The following BCOR variants were observed in gnomAD, a reference collection of about 807,000 sequenced individuals.
BCOR encodes the protein BCL-6 corepressor.
A neutral mutation model predicts 86.7 loss-of-function variants in BCOR; 10 were observed. That is an observed-to-expected ratio of 0.12 (90% CI 0.07 to 0.20). The LOEUF is 0.20. Among genes scored for constraint, BCOR ranks in the 10% least tolerant of loss-of-function variants. BCOR has a pLI of 1.00. For synonymous variants in BCOR, 611 were observed against 609.0 expected, an observed-to-expected ratio of 1.00 and a Z score of -0.05; for missense variants, 1,259 against 1,452.1, an observed-to-expected ratio of 0.87 and a Z score of 2.16.
chrX:40,080,564 G>T (rs1936035767), intron 1 of BCOR, among the ~76,000 whole-genome samples: 2 of 111,526 alleles, frequency 1.8e-5, no homozygotes, highest in African/African-American at 3.3e-5. Context: ...CCCCGAAAAG[G>T]CCAGCAGCTG....
Position 40,097,561 on chromosome X carries a change from C to T in BCOR, c.-387G>A, listed in dbSNP as rs761731077. ...GGGCGGGGCGGGGCGGGCTCGGGGCCTCCGGGCAGGTGGCGACAGCCCCGT... is the reference window on the plus strand; with the variant it reads ...GGGCGGGGCGGGGCGGGCTCGGGGCTTCCGGGCAGGTGGCGACAGCCCCGT... On this transcript the variant is annotated 5_prime_UTR_variant, in exon 1 of 15. Coordinates refer to ENST00000378444, the MANE Select transcript of BCOR (RefSeq NM_001123385.2). Among the ~76,000 whole-genome samples the T allele has an allele frequency of 1.0e-2, 1,101 of 110,535 alleles. 7 individuals carry two copies. The highest frequency in any genetic ancestry group is 0.018 in the Non-Finnish European group (927 of 52,219).
At chrX:40,109,847 C>CG (rs1346261614) in intron 1 of BCOR, among the ~76,000 whole-genome samples, 1 of 111,389 alleles carries the variant, frequency 9.0e-6, no homozygotes, top group East Asian at 2.9e-4. Context: ...GAAACTCCTG[C>CG]GGCGTCGCAG....
chrX:40,115,009 C>A (rs773693211), intron 1 of BCOR, among the ~76,000 whole-genome samples: 40 of 109,738 alleles, frequency 3.6e-4, no homozygotes, highest in African/African-American at 1.3e-3. Context: ...CCTGCCACCA[C>A]GCCCGACTAA....
intron 1 of BCOR, among the ~76,000 whole-genome samples, chrX:40,096,358 TAAAACCTACGC>T (rs1253899068): frequency 9.0e-6 from 1 of 111,568 alleles, no homozygotes; most frequent in African/African-American, 3.3e-5. Context: ...GCTCATAACT[TAAAACCTACGC>T]TGAACATCGG....
chrX:40,053,532 G>C (rs1029590863), intron 14 of BCOR, among the ~76,000 whole-genome samples: 4 of 112,085 alleles, frequency 3.6e-5, no homozygotes, highest in Admixed American at 9.4e-5. Flanking sequence ...ACAGTGGTCT[G>C]TTGCAGGCAG....
intron 11 of BCOR, 111 bp from the exon 12 acceptor site, chrX:40,055,624 A>G: frequency 1.1e-6 from 1 of 877,837 alleles, no homozygotes; most frequent in East Asian, 3.2e-5. Context: ...CACCTTGGGT[A>G]CTGAGCCTCC....
intron 1 of BCOR, among the ~76,000 whole-genome samples, chrX:40,135,874 G>A (rs780975023): frequency 1.4e-4 from 16 of 111,998 alleles, no homozygotes; most frequent in African/African-American, 3.2e-4. Flanking sequence ...AACAAGGGTC[G>A]TTTTATCATT....
chrX:40,113,709 C>T (rs773973428), intron 1 of BCOR, among the ~76,000 whole-genome samples: 191 of 111,987 alleles, frequency 1.7e-3, no homozygotes, highest in African/African-American at 5.9e-3. Flanking sequence ...AATTTTGTTT[C>T]TGGCTGTATG....
chrX:40,055,280 G>T (rs1189564383), intron 12 of BCOR, 88 bp downstream of exon 12: 4 of 953,487 alleles, frequency 4.2e-6, no homozygotes, highest in Non-Finnish European at 6.0e-6. Flanking sequence ...CAGCCTTTGT[G>T]ATTTCTGCCT....
At chrX:40,143,531 A>T (rs755280541) in intron 1 of BCOR, among the ~76,000 whole-genome samples, 1 of 112,786 alleles carries the variant, frequency 8.9e-6, no homozygotes, top group Admixed American at 9.4e-5. Context: ...CTGGCTAGGG[A>T]CAAGACAGAG....
In BCOR at chrX:40,073,842, T is replaced by C; in HGVS notation, c.1504A>G (p.Ile502Val). 1 of 1,212,340 alleles carries C rather than the reference T, an allele frequency of 8.2e-7. No individual in the cohort carries two copies. The highest frequency in any genetic ancestry group is 1.1e-6 in the Non-Finnish European group (1 of 895,644). Residue 502 changes from isoleucine to valine, a missense_variant, in exon 4 of 15, where the codon ATC becomes GTC. Transcript: ENST00000378444. ...NGCAIYRSEI[I>V]STAPSSWVVP... ...ACCCAGGATGAGGGAGCAGTGCTGATGATTTCAGATCTATAGATAGCACAA... is the reference window on the plus strand; with the variant it reads ...ACCCAGGATGAGGGAGCAGTGCTGACGATTTCAGATCTATAGATAGCACAA...
chrX:40,136,832 T>C (rs1291432317), intron 1 of BCOR, among the ~76,000 whole-genome samples: 1 of 112,191 alleles, frequency 8.9e-6, no homozygotes, highest in Non-Finnish European at 1.9e-5. Flanking sequence ...GAACAAAATA[T>C]GCAAACAGGA....
chrX:40,087,116 G>A (rs1011569550), intron 1 of BCOR, among the ~76,000 whole-genome samples: 3 of 113,250 alleles, frequency 2.6e-5, no homozygotes, highest in Non-Finnish European at 5.6e-5. Context: ...GGGTCTGGCC[G>A]GGCTGGGGCC....
In BCOR at chrX:40,073,809, C is replaced by T. The variant is rs1316195835; in HGVS notation, c.1537G>A (p.Gly513Arg). 7 of 1,212,302 alleles carry T rather than the reference C, an allele frequency of 5.8e-6. No homozygotes were observed. Among genetic ancestry groups the T allele is most frequent in the Non-Finnish European group, 6.7e-6 (6 of 895,623 alleles). The change falls in exon 4 of 15, where the codon GGG (glycine) becomes AGG (arginine). Residue 513 changes from glycine to arginine, a missense_variant. This residue lies in a region of BCOR where 534 missense variants were observed against 594.8 expected (regional missense o/e 0.90). Transcript: ENST00000378444. ...TTGTTCTCTTCGTTAGGACTTGGCC[C>T]GGGCACCACCCAGGATGAGGGAGCA... ...STAPSSWVVP[G>R]PSPNEENNGK...
chrX:40,154,061 G>A (rs1938229534), intron 1 of BCOR, among the ~76,000 whole-genome samples: 1 of 112,538 alleles, frequency 8.9e-6, no homozygotes, highest in South Asian at 3.6e-4. Context: ...AATCAACAAA[G>A]GGAGGCGGCG....
intron 8 of BCOR, 63 bp downstream of exon 8, chrX:40,063,545 C>T (rs1935014338): frequency 1.1e-5 from 11 of 962,561 alleles, no homozygotes; most frequent in Non-Finnish European, 1.5e-5. Context: ...CCCTTTCCTA[C>T]AGAGAGTGGA....
At chrX:40,109,515 C>T (rs1027306617) in intron 1 of BCOR, among the ~76,000 whole-genome samples, 134 of 112,038 alleles carry the variant, frequency 1.2e-3, no homozygotes, top group Non-Finnish European at 4.6e-4. Context: ...TCCTCGGCCC[C>T]GGCCCCGGGC....
intron 1 of BCOR, among the ~76,000 whole-genome samples, chrX:40,108,778 A>C (rs1937242402): frequency 8.9e-6 from 1 of 112,355 alleles, no homozygotes; most frequent in South Asian, 3.6e-4. Flanking sequence ...GCTAAACCAA[A>C]CTGATCGCAC....
intron 10 of BCOR, 30 bp downstream of exon 10, chrX:40,062,109 C>T (rs2146995566): frequency 8.4e-7 from 1 of 1,185,935 alleles, no homozygotes; most frequent in Non-Finnish European, 1.1e-6. Context: ...CCCCAGCCTG[C>T]AGCCCCAGGG....
Sources: gnomAD v4.1 joint callset for allele counts (sites outside exome capture counted in the v4.1 genomes callset) on GRCh38, gnomAD v4.1.1 for gene constraint, gnomAD v4.1.1 regional missense constraint, MANE v1.5 for transcripts, NCBI Gene and HGNC (gene_info 2026-07-23, HGNC 2026-07-21) for gene names.